KIRREL3: variants seen among roughly 807,000 people sequenced by gnomAD.
KIRREL3 encodes the protein kirre like nephrin family adhesion molecule 3.
A neutral mutation model predicts 89.7 loss-of-function variants in KIRREL3; 36 were observed. That is an observed-to-expected ratio of 0.40 (90% CI 0.31 to 0.53). The LOEUF (loss-of-function observed/expected upper bound fraction) is 0.53. Among genes scored for constraint, KIRREL3 ranks in the 20% least tolerant of loss-of-function variants. The pLI is 0.49. For missense variants in KIRREL3, 864 were observed against 1,056.6 expected (o/e 0.82, Z 2.53); for synonymous variants, 445 against 441.4 (o/e 1.01, Z -0.10).
intron 1 of KIRREL3, among the ~76,000 whole-genome samples, chr11:126,988,712 G>A (rs983180315): frequency 6.6e-5 from 10 of 152,118 alleles, no homozygotes; most frequent in African/African-American, 2.2e-4. Context: ...AGTTTTCATC[G>A]GCAAATGGGT....
At chr11:126,469,412 T>C (rs1355046514) in intron 5 of KIRREL3, among the ~76,000 whole-genome samples, 1 of 152,138 alleles carries the variant, frequency 6.6e-6, no homozygotes, top group East Asian at 1.9e-4. Context: ...AGGAGTGCTG[T>C]TGGCCTATGG....
chr11:126,864,235 C>T (rs1049486799), intron 1 of KIRREL3, among the ~76,000 whole-genome samples: 4 of 152,232 alleles, frequency 2.6e-5, no homozygotes, highest in African/African-American at 9.6e-5. Context: ...CAGCAATGAA[C>T]TTGGAGTGCC....
chr11:127,001,257 G>A (rs1470475334), upstream of KIRREL3: 2 of 128,832 alleles, frequency 1.6e-5, no homozygotes, highest in Admixed American at 1.9e-4. Context: ...AGTTGGAGAA[G>A]AGATAAGCAT....
chr11:126,571,456 C>A lies in KIRREL3; in HGVS notation c.56-8544G>T. Among the ~76,000 whole-genome samples the A allele has an allele frequency of 6.6e-6, 1 of 152,232 alleles. No homozygotes were observed. The highest frequency in any genetic ancestry group is 1.9e-4 in the East Asian group (1 of 5,192). Reference sequence around the variant, plus strand: ...GCCCCTCTCCCTTGGCCAGCATCACCAAGTGTCTGCCACCTGGGACCAGGC... The same window carrying A: ...GCCCCTCTCCCTTGGCCAGCATCACAAAGTGTCTGCCACCTGGGACCAGGC... On this transcript the variant is annotated intron_variant, in intron 1 of 16. Coordinates refer to ENST00000525144, the MANE Select transcript of KIRREL3 (RefSeq NM_032531.4). The surrounding 1 kb of genome is among the most constrained non-coding windows in gnomAD (Gnocchi z 7.7).
At position 126,993,017 on chromosome 11, in the gene KIRREL3, C is replaced by T. The variant is rs1477142048; in HGVS notation, c.55+7438G>A. 6.6e-6 allele frequency among the ~76,000 whole-genome samples: 1 copy of T among 152,188 alleles called. No individual in the cohort carries two copies. The highest frequency in any genetic ancestry group is 1.5e-5 in the Non-Finnish European group (1 of 68,040). ...ACTAACCATTAAGGTCAGTTCCCCC[C>T]ATACTTATTCTCTTGCTCACTTCAT... On this transcript the variant is annotated intron_variant, in intron 1 of 16. Coordinates refer to ENST00000525144, the MANE Select transcript of KIRREL3 (RefSeq NM_032531.4). The surrounding 1 kb of genome is among the most constrained non-coding windows in gnomAD (Gnocchi z 6.1).
intron 7 of KIRREL3, among the ~76,000 whole-genome samples, chr11:126,450,341 ATG>A (rs1302376017): frequency 2.2e-5 from 3 of 137,910 alleles, no homozygotes; most frequent in African/African-American, 5.6e-5. Flanking sequence ...GAGCGTGGGC[ATG>A]TGTGTCCATG....
intron 1 of KIRREL3, among the ~76,000 whole-genome samples, chr11:126,838,207 C>G (rs895321396): frequency 6.6e-5 from 10 of 152,180 alleles, no homozygotes; most frequent in African/African-American, 2.4e-4. Flanking sequence ...GCAATTTGAA[C>G]GACCCATCCT....
At chr11:126,790,761 G>C (rs1221433090) in intron 1 of KIRREL3, among the ~76,000 whole-genome samples, 2 of 152,136 alleles carry the variant, frequency 1.3e-5, no homozygotes, top group Admixed American at 6.5e-5. Context: ...TGCTGGGAGT[G>C]ACTGGAGCTC....
chr11:126,450,555 G>A, intron 7 of KIRREL3, among the ~76,000 whole-genome samples: 1 of 151,566 alleles, frequency 6.6e-6, no homozygotes, highest in Non-Finnish European at 1.5e-5. Context: ...CAATGTGCAT[G>A]TGTGCATGTG....
At chr11:126,848,466 C>T (rs1207953677) in intron 1 of KIRREL3, among the ~76,000 whole-genome samples, 1 of 152,116 alleles carries the variant, frequency 6.6e-6, no homozygotes, top group Non-Finnish European at 1.5e-5. Flanking sequence ...CCCGCTTATT[C>T]CTGTAAACCA....
intron 1 of KIRREL3, among the ~76,000 whole-genome samples, chr11:126,884,749 G>A (rs1286709561): frequency 3.3e-5 from 5 of 152,040 alleles, no homozygotes; most frequent in African/African-American, 1.2e-4. Flanking sequence ...TGCCAAGATT[G>A]TGGAAGTTCT....
In KIRREL3 at chr11:126,896,415, C is replaced by G. The variant is rs184159419; in HGVS notation, c.55+104040G>C. On this transcript the variant is annotated intron_variant, in intron 1 of 16. Coordinates refer to ENST00000525144, the MANE Select transcript of KIRREL3 (RefSeq NM_032531.4). The surrounding 1 kb of genome is among the most constrained non-coding windows in gnomAD (Gnocchi z 4.1). ...GGTCTCTGAGATGCTCTTTGTGGCT[C>G]TCCTGTATGCCTGTTGAGATGCCCA... 6.6e-6 allele frequency among the ~76,000 whole-genome samples: 1 copy of G among 152,246 alleles called. No individual in the cohort carries two copies. Among genetic ancestry groups the G allele is most frequent in the Non-Finnish European group, 1.5e-5 (1 of 68,038 alleles).
At chr11:126,659,299 T>A (rs1027181964) in intron 1 of KIRREL3, among the ~76,000 whole-genome samples, 32 of 152,362 alleles carry the variant, frequency 2.1e-4, no homozygotes, top group African/African-American at 7.0e-4. Context: ...TGACACCTCA[T>A]AGGATTAAGA....
In KIRREL3 at chr11:126,454,125, C is replaced by T. The variant is rs769383133; in HGVS notation, c.848+2224G>A. 1.4e-4 allele frequency among the ~76,000 whole-genome samples: 22 copies of T among 152,194 alleles called. No homozygotes were observed. The South Asian group carries it at 1.9e-3, about 13-fold the overall frequency. On this transcript the variant is annotated intron_variant, in intron 7 of 16. Transcript: ENST00000525144. This position sits in a 1 kb window ranked among gnomAD's most constrained non-coding sequence, Gnocchi z 5.8. ...GATTCACCAGCTGTTAACATTTTCT[C>T]ACGCGTGCTTTGCGGAGACCTCTCC...
chr11:126,803,729 G>A (rs565504042), intron 1 of KIRREL3, among the ~76,000 whole-genome samples: 14 of 152,024 alleles, frequency 9.2e-5, no homozygotes, highest in South Asian at 6.2e-4. Context: ...TCCCCACACC[G>A]CCACCCCCAA....
At chr11:126,700,205 AAAGAG>A (rs910811385) in intron 1 of KIRREL3, among the ~76,000 whole-genome samples, 2 of 151,944 alleles carry the variant, frequency 1.3e-5, no homozygotes, top group African/African-American at 4.8e-5. Flanking sequence ...AAAAAAAAAA[AAAGAG>A]AGAGAGAGAT....
intron 1 of KIRREL3, among the ~76,000 whole-genome samples, chr11:126,932,307 C>A (rs139364451): frequency 1.3e-5 from 2 of 152,290 alleles, no homozygotes; most frequent in East Asian, 3.9e-4. Context: ...GTCTGCTTAG[C>A]CTCACACACA....
At chr11:126,497,936 G>C (rs77155492) in intron 4 of KIRREL3, among the ~76,000 whole-genome samples, 1 of 151,710 alleles carries the variant, frequency 6.6e-6, no homozygotes, top group African/African-American at 2.4e-5. Context: ...CAGAGAGTTT[G>C]TGGGCCCCCG....
chr11:126,894,610 T>G (rs1946074465), intron 1 of KIRREL3, among the ~76,000 whole-genome samples: 1 of 136,962 alleles, frequency 7.3e-6, no homozygotes, highest in African/African-American at 2.8e-5. Flanking sequence ...AGAAGCTAGG[T>G]ATGGTGTCAC....
Sources: allele counts gnomAD v4.1 joint callset (sites outside exome capture counted in the v4.1 genomes callset), GRCh38; gene constraint gnomAD v4.1.1; non-coding constraint Gnocchi (gnomAD v3.1); transcripts MANE v1.5; gene names NCBI Gene and HGNC (gene_info 2026-07-23, HGNC 2026-07-21).